Variants in KCNH7 observed in about 807,000 individuals in gnomAD.
KCNH7 encodes the protein potassium voltage-gated channel subfamily H member 7, also known as voltage-gated inwardly rectifying potassium channel KCNH7.
A neutral mutation model predicts 120.8 loss-of-function variants in KCNH7; 49 were observed. The ratio of observed to expected loss-of-function variants is 0.41; its 90% confidence interval spans 0.32 to 0.51. The LOEUF is 0.51. Among genes scored for constraint, KCNH7 ranks in the 20% least tolerant of loss-of-function variants. The pLI, the probability that KCNH7 is intolerant of heterozygous loss-of-function variation, is 0.38. For missense variants in KCNH7, 1,097 were observed against 1,446.6 expected (o/e 0.76, Z 3.92); for synonymous variants, 547 against 516.1 (o/e 1.06, Z -0.81).
intron 2 of KCNH7, among the ~76,000 whole-genome samples, chr2:162,671,176 A>C: frequency 6.6e-6 from 1 of 152,130 alleles, no homozygotes; most frequent in East Asian, 1.9e-4. Context: ...ATCTCTTAAA[A>C]CAAAAAAGAG....
At chr2:162,721,801 T>G (rs1411855451) in intron 2 of KCNH7, among the ~76,000 whole-genome samples, 1 of 152,072 alleles carries the variant, frequency 6.6e-6, no homozygotes, top group African/African-American at 2.4e-5. Context: ...GAATTTCAAA[T>G]AAGTATCTGA....
At chr2:162,790,874 A>G (rs566656758) in intron 2 of KCNH7, among the ~76,000 whole-genome samples, 2 of 152,268 alleles carry the variant, frequency 1.3e-5, no homozygotes, top group South Asian at 4.1e-4. Flanking sequence ...AGTTGAAATC[A>G]TACTCAATGG....
chr2:162,615,239 T>C (rs1005446508), intron 2 of KCNH7, among the ~76,000 whole-genome samples: 5 of 152,204 alleles, frequency 3.3e-5, no homozygotes, highest in Non-Finnish European at 5.9e-5. Flanking sequence ...ATTTCACATG[T>C]AGATTCTAAT....
chr2:162,736,315 T>G (rs998241951), intron 2 of KCNH7, among the ~76,000 whole-genome samples: 5 of 152,190 alleles, frequency 3.3e-5, no homozygotes, highest in African/African-American at 1.2e-4. Context: ...TAAAGTTATG[T>G]TTTTGCATGT....
intron 6 of KCNH7, among the ~76,000 whole-genome samples, chr2:162,479,673 A>ATGTGTGTGTG (rs71009359): frequency 4.1e-5 from 6 of 145,184 alleles, no homozygotes; most frequent in African/African-American, 1.5e-4. Context: ...GTGTGTGTGC[A>ATGTGTGTGTG]TGTGTGTGTG....
chr2:162,743,538 C>T (rs77806478), intron 2 of KCNH7, among the ~76,000 whole-genome samples: 3,232 of 152,066 alleles, frequency 0.021, 71 homozygotes, highest in East Asian at 0.11. Flanking sequence ...TGGTTAAGAA[C>T]TGGAATCAAA....
chr2:162,405,726 T>G (rs549489111), intron 9 of KCNH7, among the ~76,000 whole-genome samples: 7 of 152,110 alleles, frequency 4.6e-5, no homozygotes, highest in Admixed American at 4.6e-4. Flanking sequence ...ATGACATGTC[T>G]TATTAACTTT....
Position 162,785,604 on chromosome 2 carries a change from G to A in KCNH7, c.307+50933C>T, listed in dbSNP as rs538234569. 2.6e-5 allele frequency among the ~76,000 whole-genome samples: 4 copies of A among 152,062 alleles called. No homozygotes were observed. The South Asian group carries it at 8.3e-4, about 32-fold the overall frequency. Reference sequence around the variant, plus strand: ...TAACTTGCTTTAAATATTCAAATGAGTGAATTAAAAAGGAAGGCTTTCTGT... The same window carrying A: ...TAACTTGCTTTAAATATTCAAATGAATGAATTAAAAAGGAAGGCTTTCTGT... On this transcript the variant is annotated intron_variant, in intron 2 of 15. Transcript: ENST00000332142.
intron 2 of KCNH7, among the ~76,000 whole-genome samples, chr2:162,818,646 C>G (rs1220281697): frequency 1.3e-5 from 2 of 152,146 alleles, no homozygotes. Flanking sequence ...TTTGGGAAGA[C>G]TGGACATCTT....
At chr2:162,489,455 C>T (rs1254649142) in intron 6 of KCNH7, among the ~76,000 whole-genome samples, 1 of 152,130 alleles carries the variant, frequency 6.6e-6, no homozygotes. Context: ...GTCATCCTGA[C>T]CCACATGCAG....
intron 2 of KCNH7, among the ~76,000 whole-genome samples, chr2:162,694,192 C>G (rs145124710): frequency 3.9e-5 from 6 of 152,134 alleles, no homozygotes; most frequent in African/African-American, 1.4e-4. Flanking sequence ...TTATAAAGAA[C>G]TCTCACCCAT....
chr2:162,456,888 C>T (rs952614152), intron 6 of KCNH7, among the ~76,000 whole-genome samples: 2 of 151,652 alleles, frequency 1.3e-5, no homozygotes, highest in African/African-American at 4.8e-5. Flanking sequence ...TCTCTCTTTC[C>T]TTTTTTAATA....
At chr2:162,564,731 A>T (rs1241113701) in intron 2 of KCNH7, among the ~76,000 whole-genome samples, 1 of 152,154 alleles carries the variant, frequency 6.6e-6, no homozygotes. Flanking sequence ...ATATTTTTGC[A>T]TCTGTAAAAT....
intron 6 of KCNH7, chr2:162,502,329 G>A (rs1452969267): frequency 1.3e-5 from 2 of 152,054 alleles, no homozygotes; most frequent in African/African-American, 4.8e-5. Context: ...GGGGATCATA[G>A]AAGAATATTA....
chr2:162,408,157 A>G (rs1215930857), intron 9 of KCNH7, among the ~76,000 whole-genome samples: 2 of 152,044 alleles, frequency 1.3e-5, no homozygotes, highest in East Asian at 1.9e-4. Flanking sequence ...GGCTTTCTAA[A>G]GTTGCTAAAA....
chr2:162,378,472 T>C (rs1376881454), intron 14 of KCNH7, among the ~76,000 whole-genome samples: 1 of 152,188 alleles, frequency 6.6e-6, no homozygotes, highest in Non-Finnish European at 1.5e-5. Context: ...GCATAAATAG[T>C]GAATAAATCA....
intron 2 of KCNH7, among the ~76,000 whole-genome samples, chr2:162,704,492 T>C (rs1051644840): frequency 6.6e-6 from 1 of 152,216 alleles, no homozygotes; most frequent in African/African-American, 2.4e-5. Flanking sequence ...TTTATGAGTT[T>C]TATGCTTTGG....
chr2:162,563,276 T>C (rs1189094736), intron 2 of KCNH7, among the ~76,000 whole-genome samples: 2 of 152,184 alleles, frequency 1.3e-5, no homozygotes, highest in Non-Finnish European at 2.9e-5. Flanking sequence ...TAATGGCTTA[T>C]ACAAGAGCAC....
chr2:162,398,371 C>T (rs1397241472), intron 10 of KCNH7, among the ~76,000 whole-genome samples: 10 of 151,692 alleles, frequency 6.6e-5, no homozygotes, highest in South Asian at 2.1e-4. Context: ...ATCTTAACTA[C>T]GTAAGAAAAA....
Sources: allele counts gnomAD v4.1 joint callset (sites outside exome capture counted in the v4.1 genomes callset), GRCh38; gene constraint gnomAD v4.1.1; transcripts MANE v1.5; gene names NCBI Gene and HGNC (gene_info 2026-07-23, HGNC 2026-07-21).